GLRA2: variants seen among roughly 807,000 people sequenced by gnomAD.
GLRA2 encodes glycine receptor subunit alpha-2.
A neutral mutation model predicts 31.6 loss-of-function variants in GLRA2; 11 were observed. The ratio of observed to expected loss-of-function variants is 0.35; its 90% CI spans 0.22 to 0.58. The LOEUF is 0.58. Among genes scored for constraint, GLRA2 ranks in the 20% least tolerant of loss-of-function variants. The pLI, the probability that GLRA2 is intolerant of heterozygous loss-of-function variation, is 0.84. For missense variants in GLRA2, 212 were observed against 351.8 expected (o/e 0.60, Z 3.18); for synonymous variants, 132 against 134.0 (o/e 0.99, Z 0.10).
intron 2 of GLRA2, among the ~76,000 whole-genome samples, chrX:14,566,279 G>A (rs765718299): frequency 1.9e-4 from 21 of 112,124 alleles, no homozygotes; most frequent in Non-Finnish European, 3.4e-4. Flanking sequence ...CATATAACAA[G>A]TAAAGAGATT....
chrX:14,543,033 TATC>T (rs1329470520), intron 2 of GLRA2, among the ~76,000 whole-genome samples: 1 of 109,802 alleles, frequency 9.1e-6, no homozygotes, highest in Non-Finnish European at 1.9e-5. Flanking sequence ...TTTGCCCTTA[TATC>T]AGAAGGATGA....
At chrX:14,691,271 C>CTGTGTGTGTG (rs4014173) in intron 8 of GLRA2, among the ~76,000 whole-genome samples, 11 of 85,276 alleles carry the variant, frequency 1.3e-4, no homozygotes, top group African/African-American at 3.1e-4. Flanking sequence ...TAAATATTGA[C>CTGTGTGTGTG]TGTGTGTGTG....
chrX:14,510,048 A>C, the GLRA2 span, among the ~76,000 whole-genome samples: 1 of 111,851 alleles, frequency 8.9e-6, no homozygotes, highest in African/African-American at 3.2e-5. Flanking sequence ...CCTGGCAGGA[A>C]ACAAGATGGA....
the GLRA2 span, among the ~76,000 whole-genome samples, chrX:14,452,163 C>T: frequency 4.2e-4 from 47 of 111,313 alleles, no homozygotes; most frequent in East Asian, 0.013. Flanking sequence ...AATCTAAAGT[C>T]AAAGCTTACA....
chrX:14,629,634 A>G (rs1229385117), intron 7 of GLRA2, among the ~76,000 whole-genome samples: 4 of 111,349 alleles, frequency 3.6e-5, no homozygotes, highest in East Asian at 5.7e-4. Flanking sequence ...CCATTTTGCT[A>G]TTTGTCTTTC....
chrX:14,586,880 A>G (rs186764854), intron 4 of GLRA2, among the ~76,000 whole-genome samples: 311 of 112,220 alleles, frequency 2.8e-3, no homozygotes, highest in South Asian at 0.013. Flanking sequence ...TTAGTCAGAA[A>G]TATGACTTTT....
intron 7 of GLRA2, among the ~76,000 whole-genome samples, chrX:14,682,006 T>C (rs952937208): frequency 5.0e-5 from 5 of 99,614 alleles, no homozygotes; most frequent in African/African-American, 1.4e-4. Flanking sequence ...TGTGTGTGTG[T>C]GTGTGTATAT....
chrX:14,524,607 G>A (rs2089181776), upstream of GLRA2, among the ~76,000 whole-genome samples: 1 of 111,491 alleles, frequency 9.0e-6, no homozygotes, highest in Non-Finnish European at 1.9e-5. Context: ...TGTACTTGAG[G>A]AGGACGTTTT....
the GLRA2 span, among the ~76,000 whole-genome samples, chrX:14,474,830 G>T: frequency 9.0e-6 from 1 of 111,726 alleles, no homozygotes; most frequent in Non-Finnish European, 1.9e-5. Context: ...AAGAGGGAAA[G>T]CCCCAATGTA....
At chrX:14,681,112 T>C (rs2091196875) in intron 7 of GLRA2, among the ~76,000 whole-genome samples, 1 of 112,354 alleles carries the variant, frequency 8.9e-6, no homozygotes, top group South Asian at 3.7e-4. Flanking sequence ...CGTGCGGGTT[T>C]GTTACATATG....
chrX:14,586,218 C>T (rs2090079179), intron 4 of GLRA2, among the ~76,000 whole-genome samples: 1 of 111,443 alleles, frequency 9.0e-6, no homozygotes, highest in East Asian at 2.8e-4. Context: ...TCCTTATGAA[C>T]ACTTGGGGTA....
the GLRA2 span, among the ~76,000 whole-genome samples, chrX:14,465,790 T>C: frequency 8.9e-6 from 1 of 111,918 alleles, no homozygotes; most frequent in Non-Finnish European, 1.9e-5. Context: ...CTTTATCTTG[T>C]CTTGATCACA....
At chrX:14,657,504 AAG>A in intron 7 of GLRA2, among the ~76,000 whole-genome samples, 1 of 112,473 alleles carries the variant, frequency 8.9e-6, no homozygotes, top group East Asian at 2.8e-4. Context: ...GATCAGCACA[AAG>A]AGCCAGCCCT....
At chrX:14,685,615 T>C (rs749635889) in intron 7 of GLRA2, among the ~76,000 whole-genome samples, 24 of 112,176 alleles carry the variant, frequency 2.1e-4, no homozygotes, top group African/African-American at 7.8e-4. Context: ...GAGGTGTTTA[T>C]AGTATTCTCT....
chrX:14,521,829 C>T, the GLRA2 span, among the ~76,000 whole-genome samples: 28 of 112,126 alleles, frequency 2.5e-4, no homozygotes, highest in Middle Eastern at 9.2e-3. Context: ...AAATAATGCA[C>T]ATACCTTAAT....
chrX:14,571,697 G>T (rs1042398779), intron 2 of GLRA2, among the ~76,000 whole-genome samples: 1 of 111,239 alleles, frequency 9.0e-6, no homozygotes, highest in East Asian at 2.8e-4. Context: ...TAGTATATGC[G>T]TGTGCTAATC....
At chrX:14,483,946 C>T in the GLRA2 span, among the ~76,000 whole-genome samples, 2 of 111,271 alleles carry the variant, frequency 1.8e-5, no homozygotes, top group African/African-American at 6.6e-5. Flanking sequence ...CAGCCTACAT[C>T]TTTCTCCCAT....
chrX:14,463,732 C>A, the GLRA2 span, among the ~76,000 whole-genome samples: 1 of 110,342 alleles, frequency 9.1e-6, no homozygotes, highest in South Asian at 4.1e-4. Flanking sequence ...GCGAAAAGTG[C>A]AGTAGTTGGG....
At chrX:14,623,008 G>A (rs1038335328) in intron 7 of GLRA2, among the ~76,000 whole-genome samples, 18 of 111,508 alleles carry the variant, frequency 1.6e-4, no homozygotes, top group African/African-American at 5.5e-4. Context: ...ATTTGTTTGT[G>A]TCCTCTTTTA....
Sources: allele counts gnomAD v4.1 joint callset (sites outside exome capture counted in the v4.1 genomes callset), GRCh38; gene constraint gnomAD v4.1.1; transcripts MANE v1.5; gene names NCBI Gene and HGNC (gene_info 2026-07-23, HGNC 2026-07-21).